The following CLTC variants were observed in gnomAD, a reference collection of about 807,000 sequenced individuals.
CLTC encodes the protein clathrin heavy chain 1.
A neutral mutation model predicts 195.8 loss-of-function variants in CLTC; 16 were observed. The observed-to-expected ratio is 0.08, with a 90% CI of 0.06 to 0.12. The LOEUF is 0.12. Among genes scored for constraint, CLTC ranks in the 10% least tolerant of loss-of-function variants. The pLI, the probability that CLTC is intolerant of heterozygous loss-of-function variation, is 1.00. For missense variants in CLTC, 796 were observed against 2,027.0 expected (o/e 0.39, Z 11.66); for synonymous variants, 667 against 689.4 (o/e 0.97, Z 0.51).
In CLTC at chr17:59,693,711, GT is replaced by G. The variant is rs780995146; in HGVS notation, c.4904-13del. On this transcript the variant is annotated splice_polypyrimidine_tract_variant and intron_variant, in intron 31 of 31. Transcript: ENST00000269122. ...TTGCCCCTGCCCCCTGCTCCTTTTT[GT>G]TTTCTTCTACTGTAGGTCAGCCCCA... is the stretch of plus-strand genomic sequence containing the variant. The G allele has an allele frequency of 1.2e-6, 2 of 1,603,554 alleles. No homozygotes were observed. The highest frequency in any genetic ancestry group is 2.2e-5 in the South Asian group (2 of 89,830).
chr17:59,683,396 G>A lies in CLTC; in HGVS notation c.4051G>A (p.Ala1351Thr). The A allele has an allele frequency of 6.2e-7, 1 of 1,612,476 alleles. No individual in the cohort carries two copies. The highest frequency in any genetic ancestry group is 1.1e-5 in the South Asian group (1 of 90,896). ...AGTCTTTCTTATGCAGGTGCTAAGA[G>A]CTGCAGAACAAGCTCATCTTTGGGC... ...SRVNIPKVLR[A>T]AEQAHLWAEL... Residue 1351 changes from alanine (A) to threonine (T), a missense_variant, in exon 26 of 32, where the codon GCT becomes ACT. Ala to Thr is a moderately conservative substitution (Grantham distance 58). Around this residue, in one of 9 missense-constraint regions of CLTC, gnomAD observed 102 missense variants for 317.6 expected, o/e 0.32. Coordinates refer to ENST00000269122, the MANE Select transcript of CLTC (RefSeq NM_004859.4). The surrounding 1 kb of genome is among the most constrained non-coding windows in gnomAD (Gnocchi z 6.1).
intron 1 of CLTC, among the ~76,000 whole-genome samples, chr17:59,641,854 T>C (rs986482348): frequency 6.6e-6 from 1 of 151,962 alleles, no homozygotes; most frequent in Admixed American, 6.6e-5. Flanking sequence ...ATTTACCTTA[T>C]TTTTTAAAGT....
At position 59,696,158 on chromosome 17, in the gene CLTC, G is replaced by GTCT. The variant is rs2033418896; in HGVS notation, c.*2308_*2310dup. 4.6e-6 allele frequency: 1 copy of GTCT among 219,366 alleles called. No homozygotes were observed. The highest frequency in any genetic ancestry group is 9.1e-6 in the Non-Finnish European group (1 of 109,378). 13.6% of individuals were successfully genotyped at this position (219,366 alleles called of 1,614,324 possible). A position where few individuals can be genotyped will look rare whatever the true frequency, so the allele number is the denominator to read the frequency against. ...TGCACTTAGCACTGAGTTCAACTCA[G>GTCT]TCTTAACGTTGCATTTTGTTGCATC... On this transcript the variant is annotated 3_prime_UTR_variant, in exon 32 of 32. Transcript: ENST00000269122.
At chr17:59,659,449 A>G (rs1167413708) in intron 6 of CLTC, among the ~76,000 whole-genome samples, 1 of 120,384 alleles carries the variant, frequency 8.3e-6, no homozygotes, top group Non-Finnish European at 1.7e-5. Flanking sequence ...TTTATTTTTA[A>G]TTAATTTTTT....
At chr17:59,646,464 T>TC (rs2032198114) in intron 2 of CLTC, among the ~76,000 whole-genome samples, 1 of 146,598 alleles carries the variant, frequency 6.8e-6, no homozygotes, top group Admixed American at 6.8e-5. Flanking sequence ...CCCTTCTTTG[T>TC]CCCCCCAGCA....
In CLTC at chr17:59,661,384, G is replaced by A. The variant is rs139988667; in HGVS notation, c.1168-59G>A. On this transcript the variant is annotated intron_variant, in intron 7 of 31. Coordinates refer to ENST00000269122, the MANE Select transcript of CLTC (RefSeq NM_004859.4). Reference sequence around the variant, plus strand: ...GATGTTTGGATCACTTTCGAAGAGCGTTTAACATTTCTCCTTCTTACACTT... The same window carrying A: ...GATGTTTGGATCACTTTCGAAGAGCATTTAACATTTCTCCTTCTTACACTT... 1.9e-3 allele frequency: 2,634 copies of A among 1,377,986 alleles called. 34 individuals carry two copies. In the African/African-American group the frequency reaches 0.03, roughly 16 times the overall value. The allele number at this position is 1,377,986 out of a possible 1,614,324, so 85.4% of individuals were successfully genotyped here.
At chr17:59,631,237 T>G (rs117891071) in intron 1 of CLTC, among the ~76,000 whole-genome samples, 238 of 152,366 alleles carry the variant, frequency 1.6e-3, no homozygotes, top group East Asian at 3.9e-3. Context: ...CATATACCCC[T>G]ACATGTATCT....
chr17:59,639,475 A>G (rs1486491970), intron 1 of CLTC, among the ~76,000 whole-genome samples: 2 of 152,186 alleles, frequency 1.3e-5, no homozygotes, highest in Admixed American at 1.3e-4. Context: ...TTCCAAGCAT[A>G]TGTTAAAATA....
chr17:59,649,250 G>A (rs2032269800), intron 4 of CLTC, among the ~76,000 whole-genome samples: 1 of 152,180 alleles, frequency 6.6e-6, no homozygotes, highest in Non-Finnish European at 1.5e-5. Flanking sequence ...GCAGTGGTCA[G>A]GGTCCCAGCC....
At position 59,674,681 on chromosome 17, in the gene CLTC, C is replaced by T. The variant is rs1330410278; in HGVS notation, c.2419-20C>T. ...CTTTTAATAACATAATAACATTCTT[C>T]TACTTCTTTTTAACCACAGGTGAAT... is the stretch of plus-strand genomic sequence containing the variant. On this transcript the variant is annotated intron_variant, in intron 15 of 31. Transcript: ENST00000269122. 6 of 1,596,274 alleles carry T rather than the reference C, an allele frequency of 3.8e-6. No individual in the cohort carries two copies. Among genetic ancestry groups the T allele is most frequent in the Non-Finnish European group, 5.1e-6 (6 of 1,170,950 alleles).
At chr17:59,647,761 A>C in intron 3 of CLTC, 95 bp downstream of exon 3, 1 of 1,077,296 alleles carries the variant, frequency 9.3e-7, no homozygotes, top group Non-Finnish European at 1.4e-6. Flanking sequence ...TTCTATACTC[A>C]ATCCTGTTGA....
chr17:59,679,603 C>A, intron 18 of CLTC, 84 bp downstream of exon 18: 1 of 1,260,742 alleles, frequency 7.9e-7, no homozygotes, highest in Non-Finnish European at 1.1e-6. Flanking sequence ...TCATCATGTA[C>A]TCAAATGGAT....
At chr17:59,677,762 A>G (rs2032998382) in intron 17 of CLTC, among the ~76,000 whole-genome samples, 1 of 152,130 alleles carries the variant, frequency 6.6e-6, no homozygotes, top group Admixed American at 6.5e-5. Flanking sequence ...ATGGTTCTTC[A>G]GTCTTTTGTT....
In CLTC at chr17:59,685,276, T is replaced by C. The variant is rs929943000; in HGVS notation, c.4605+50T>C. On this transcript the variant is annotated intron_variant, in intron 29 of 31. Coordinates refer to ENST00000269122, the MANE Select transcript of CLTC (RefSeq NM_004859.4). This position sits in a 1 kb window ranked among gnomAD's most constrained non-coding sequence, Gnocchi z 5.0. ...CTGTTTTAAACCAGGCCTAAAATGGTGTTACAAGTGATTATAATCTATAAA... is the reference window on the plus strand; with the variant it reads ...CTGTTTTAAACCAGGCCTAAAATGGCGTTACAAGTGATTATAATCTATAAA... 4.7e-6 allele frequency: 7 copies of C among 1,482,598 alleles called. No homozygotes were observed. The African/African-American group carries it at 7.1e-5, about 15-fold the overall frequency. 91.8% of individuals were successfully genotyped at this position (1,482,598 alleles called of 1,614,324 possible). A position where few individuals can be genotyped will look rare whatever the true frequency, so the allele number is the denominator to read the frequency against.
At position 59,619,945 on chromosome 17, in the gene CLTC, T is replaced by A; in HGVS notation, c.-187T>A. On this transcript the variant is annotated 5_prime_UTR_variant, in exon 1 of 32. Coordinates refer to ENST00000269122, the MANE Select transcript of CLTC (RefSeq NM_004859.4). ...CCCGGTTCCGCCATTGCGGCTCTCC[T>A]GGCCCCTGGAGCCTCCGCCCCCGAC... 1 of 582,800 alleles carries A rather than the reference T, an allele frequency of 1.7e-6. No homozygotes were observed. Among genetic ancestry groups the A allele is most frequent in the African/African-American group, 1.9e-5 (1 of 53,532 alleles). The allele number at this position is 582,800 out of a possible 1,614,324, so 36.1% of individuals were successfully genotyped here.
At chr17:59,679,584 TC>T in intron 18 of CLTC, 65 bp downstream of exon 18, 1 of 1,428,120 alleles carries the variant, frequency 7.0e-7, no homozygotes, top group Non-Finnish European at 9.4e-7. Flanking sequence ...ATGAATACAA[TC>T]CTTTCCCTCA....
At chr17:59,675,181 T>C (rs1312667647) in intron 16 of CLTC, among the ~76,000 whole-genome samples, 1 of 152,196 alleles carries the variant, frequency 6.6e-6, no homozygotes, top group Admixed American at 6.5e-5. Flanking sequence ...ACTAATTCTG[T>C]ACTGATCAAT....
chr17:59,656,666 A>ATTTTTTT (rs55669818), intron 6 of CLTC, among the ~76,000 whole-genome samples: 67 of 96,222 alleles, frequency 7.0e-4, no homozygotes, highest in African/African-American at 1.7e-3. Flanking sequence ...TATTATTTTA[A>ATTTTTTT]TTTTTTTTTT....
chr17:59,683,068 CT>C lies in CLTC; in HGVS notation c.3874-24del. The C allele has an allele frequency of 6.2e-7, 1 of 1,613,928 alleles. No homozygotes were observed. The highest frequency in any genetic ancestry group is 8.5e-7 in the Non-Finnish European group (1 of 1,179,906). ...GATCTTTTACCATAGATATTCTTAT[CT>C]TTAACTGCACATTTCTCTTGTTCAG... is the stretch of plus-strand genomic sequence containing the variant. On this transcript the variant is annotated intron_variant, in intron 24 of 31. Transcript: ENST00000269122. This position sits in a 1 kb window ranked among gnomAD's most constrained non-coding sequence, Gnocchi z 6.1.
Sources: allele counts gnomAD v4.1 joint callset (sites outside exome capture counted in the v4.1 genomes callset), GRCh38; gene constraint gnomAD v4.1.1; regional missense constraint gnomAD v4.1.1; non-coding constraint Gnocchi (gnomAD v3.1); transcripts MANE v1.5; gene names NCBI Gene and HGNC (gene_info 2026-07-23, HGNC 2026-07-21).